FRMD4A: variants seen among roughly 807,000 people sequenced by gnomAD.
FRMD4A encodes the protein FERM domain containing 4A, also known as FERM domain-containing protein 4A.
FRMD4A carries 29 observed loss-of-function variants against 129.1 expected under a neutral mutation model. The observed-to-expected ratio is 0.22, with a 90% confidence interval of 0.17 to 0.31. FRMD4A has a LOEUF of 0.31. Ranked by LOEUF, FRMD4A falls within the 10% of genes least tolerant of loss-of-function variation. The probability of loss-of-function intolerance (pLI) is 1.00; values close to 1 mark genes in which losing one functional copy is unlikely to be tolerated. For synonymous variants in FRMD4A, 634 were observed against 571.6 expected, an observed-to-expected ratio of 1.11 and a Z score of -1.56; for missense variants, 1,272 against 1,375.8, an observed-to-expected ratio of 0.92 and a Z score of 1.19.
intron 2 of FRMD4A, among the ~76,000 whole-genome samples, chr10:14,194,351 C>A (rs1842408671): frequency 6.6e-6 from 1 of 152,156 alleles, no homozygotes; most frequent in African/African-American, 2.4e-5. Context: ...TGGTTCAGGC[C>A]TGTAATCCCA....
intron 2 of FRMD4A, among the ~76,000 whole-genome samples, chr10:14,219,411 G>A (rs1360685067): frequency 6.6e-6 from 1 of 152,162 alleles, no homozygotes; most frequent in African/African-American, 2.4e-5. Context: ...AATATTCTCT[G>A]AGCACCTACT....
chr10:13,756,911 C>A (rs7093606), intron 8 of FRMD4A, among the ~76,000 whole-genome samples: 26 of 152,046 alleles, frequency 1.7e-4, no homozygotes, highest in African/African-American at 5.8e-4. Flanking sequence ...TCCTATCAGT[C>A]GATTAAATGA....
chr10:14,237,378 T>A (rs1843863871), intron 2 of FRMD4A, among the ~76,000 whole-genome samples: 1 of 152,208 alleles, frequency 6.6e-6, no homozygotes, highest in Non-Finnish European at 1.5e-5. Context: ...TCGCCCAGGC[T>A]GGAGTGCAAT....
At chr10:13,720,795 A>C (rs1238137255) in intron 12 of FRMD4A, among the ~76,000 whole-genome samples, 1 of 152,192 alleles carries the variant, frequency 6.6e-6, no homozygotes, top group East Asian at 1.9e-4. Flanking sequence ...GACTGCAGAT[A>C]CAGAAGTCAG....
At chr10:13,733,824 C>T (rs1011928720) in intron 12 of FRMD4A, among the ~76,000 whole-genome samples, 1 of 152,242 alleles carries the variant, frequency 6.6e-6, no homozygotes, top group African/African-American at 2.4e-5. Flanking sequence ...CGGAAGCTGC[C>T]TCTGCATCTC....
intron 2 of FRMD4A, among the ~76,000 whole-genome samples, chr10:14,256,935 T>C (rs1416448689): frequency 1.3e-5 from 2 of 152,062 alleles, no homozygotes; most frequent in East Asian, 3.8e-4. Context: ...ATAAAATAAA[T>C]ACTAGGCAGT....
Position 14,003,078 on chromosome 10 carries a change from G to A in FRMD4A, c.46-144166C>T, listed in dbSNP as rs61835686. Among the ~76,000 whole-genome samples, 1,486 of 152,220 alleles carry A rather than the reference G, an allele frequency of 9.8e-3. 12 individuals carry two copies. The highest frequency in any genetic ancestry group is 0.014 in the Non-Finnish European group (932 of 68,014). Reference sequence around the variant, plus strand: ...TAGACGAGTGACACAATCACCCCTCGGTTTTAGAAAGAGCACAGTGGCTGC... The same window carrying A: ...TAGACGAGTGACACAATCACCCCTCAGTTTTAGAAAGAGCACAGTGGCTGC... On this transcript the variant is annotated intron_variant, in intron 2 of 24. Transcript: ENST00000357447.
chr10:14,128,750 C>T (rs1589038110), intron 2 of FRMD4A, among the ~76,000 whole-genome samples: 1 of 152,138 alleles, frequency 6.6e-6, no homozygotes. Flanking sequence ...TATTAAATAC[C>T]TTCATCTTTA....
At chr10:14,324,233 C>T (rs1159156355) in intron 2 of FRMD4A, among the ~76,000 whole-genome samples, 3 of 152,122 alleles carry the variant, frequency 2.0e-5, no homozygotes, top group African/African-American at 7.2e-5. Context: ...CCATTTGAAA[C>T]AGATAAATTT....
intron 2 of FRMD4A, among the ~76,000 whole-genome samples, chr10:14,030,211 A>T (rs977602496): frequency 6.6e-6 from 1 of 152,248 alleles, no homozygotes; most frequent in Non-Finnish European, 1.5e-5. Flanking sequence ...ACAATGCTGT[A>T]CTGTCTACTT....
chr10:13,729,591 T>A (rs2135015142), intron 12 of FRMD4A: 1 of 152,320 alleles, frequency 6.6e-6, no homozygotes, highest in African/African-American at 2.4e-5. Flanking sequence ...GTGAAAGTAA[T>A]GCATCAATTT....
chr10:13,792,824 C>T (rs1049867762), intron 5 of FRMD4A, among the ~76,000 whole-genome samples: 6 of 152,188 alleles, frequency 3.9e-5, no homozygotes, highest in African/African-American at 1.4e-4. Flanking sequence ...GGATCTGAGT[C>T]CTCCCTTCCA....
intron 3 of FRMD4A, among the ~76,000 whole-genome samples, chr10:13,827,640 T>C (rs956817493): frequency 1.3e-5 from 2 of 152,170 alleles, no homozygotes; most frequent in Non-Finnish European, 2.9e-5. Context: ...GTAGGAATGT[T>C]CAGAAAATCA....
intron 2 of FRMD4A, among the ~76,000 whole-genome samples, chr10:14,289,837 T>A (rs1028905474): frequency 6.6e-6 from 1 of 152,052 alleles, no homozygotes; most frequent in Non-Finnish European, 1.5e-5. Context: ...CCAGATGATA[T>A]GCTCTTATAT....
intron 3 of FRMD4A, among the ~76,000 whole-genome samples, chr10:13,849,378 C>T (rs1000030025): frequency 5.9e-5 from 9 of 152,136 alleles, no homozygotes; most frequent in African/African-American, 1.9e-4. Context: ...CACCTGCCCA[C>T]ACTACTCAGT....
chr10:14,253,766 T>C (rs544348391), intron 2 of FRMD4A, among the ~76,000 whole-genome samples: 25 of 152,278 alleles, frequency 1.6e-4, no homozygotes, highest in African/African-American at 5.8e-4. Context: ...CCTCCTCTTA[T>C]TGTTTTGCTC....
chr10:13,874,935 G>A (rs1401882358), intron 2 of FRMD4A, among the ~76,000 whole-genome samples: 1 of 152,196 alleles, frequency 6.6e-6, no homozygotes, highest in African/African-American at 2.4e-5. Context: ...CTGTTGCAGA[G>A]TGATCAGTGT....
chr10:13,921,774 C>G, intron 2 of FRMD4A, among the ~76,000 whole-genome samples: 1 of 152,258 alleles, frequency 6.6e-6, no homozygotes, highest in African/African-American at 2.4e-5. Flanking sequence ...CAATTCAAAC[C>G]CAGACAGTGT....
chr10:13,688,950 GC>G (rs2085374966), intron 15 of FRMD4A, among the ~76,000 whole-genome samples: 1 of 152,090 alleles, frequency 6.6e-6, no homozygotes, highest in East Asian at 1.9e-4. Context: ...ACTCCTGCCT[GC>G]CTTGGCCTCC....
Sources: allele counts gnomAD v4.1 joint callset (sites outside exome capture counted in the v4.1 genomes callset), GRCh38; gene constraint gnomAD v4.1.1; transcripts MANE v1.5; gene names NCBI Gene and HGNC (gene_info 2026-07-23, HGNC 2026-07-21).